The following NSD1 variants were observed in gnomAD, a reference collection of about 807,000 sequenced individuals.
The protein encoded by NSD1 is nuclear receptor binding SET domain protein 1, also known as histone-lysine N-methyltransferase, H3 lysine-36 specific.
NSD1 carries 26 observed loss-of-function variants against 242.7 expected under a neutral mutation model. That is an observed-to-expected ratio of 0.11 (90% CI 0.08 to 0.15). The LOEUF (loss-of-function observed/expected upper bound fraction) is 0.15, where lower values mean the gene tolerates loss of function less well. Among genes scored for constraint, NSD1 ranks in the 10% least tolerant of loss-of-function variants. The pLI, the probability that NSD1 is intolerant of heterozygous loss-of-function variation, is 1.00. For missense variants in NSD1, 2,495 were observed against 3,272.8 expected (o/e 0.76, Z 5.80); for synonymous variants, 1,106 against 1,178.1 (o/e 0.94, Z 1.25).
chr5:177,287,630 C>T (rs116582198), intron 20 of NSD1, among the ~76,000 whole-genome samples: 2,780 of 151,908 alleles, frequency 0.018, 32 homozygotes, highest in Non-Finnish European at 0.028. Flanking sequence ...AGTGAGACTC[C>T]GTCTCAAAGA....
At chr5:177,280,351 T>C (rs987296133) in intron 17 of NSD1, among the ~76,000 whole-genome samples, 1 of 152,184 alleles carries the variant, frequency 6.6e-6, no homozygotes, top group African/African-American at 2.4e-5. Context: ...CTTGTCTCAC[T>C]GCAACCTCCG....
chr5:177,241,495 ACTCT>A (rs973596654), intron 8 of NSD1, among the ~76,000 whole-genome samples: 2 of 149,270 alleles, frequency 1.3e-5, no homozygotes, highest in Non-Finnish European at 3.0e-5. Flanking sequence ...ACAGAGCGAG[ACTCT>A]CTCTCTCTCA....
At chr5:177,139,340 G>GGA (rs1756616137) in intron 2 of NSD1, among the ~76,000 whole-genome samples, 1 of 151,738 alleles carries the variant, frequency 6.6e-6, no homozygotes, top group East Asian at 2.0e-4. Flanking sequence ...GGCAGGCTCG[G>GGA]GAGGTTGAGG....
intron 5 of NSD1, among the ~76,000 whole-genome samples, chr5:177,226,069 C>T (rs1446520177): frequency 6.6e-6 from 1 of 152,100 alleles, no homozygotes; most frequent in East Asian, 1.9e-4. Flanking sequence ...GTTTTTGAGA[C>T]AGGGTCTCAC....
Position 177,171,043 on chromosome 5 carries a change from C to T in NSD1, c.928-20841C>T, listed in dbSNP as rs1041002822. 1.7e-4 allele frequency among the ~76,000 whole-genome samples: 25 copies of T among 150,042 alleles called. 1 individual carries two copies. Among genetic ancestry groups the T allele is most frequent in the Admixed American group, 8.0e-4 (12 of 15,032 alleles). On this transcript the variant is annotated intron_variant, in intron 2 of 22. Transcript: ENST00000439151. ...AAAAAAAAAAAAAAAGGAAACCGGG[C>T]GGGGCGTGGTGGCTCAGGCCTGTAA...
At chr5:177,292,493 G>T (rs1216629677) in intron 22 of NSD1, among the ~76,000 whole-genome samples, 1 of 152,174 alleles carries the variant, frequency 6.6e-6, no homozygotes, top group Non-Finnish European at 1.5e-5. Flanking sequence ...TTCACACATA[G>T]ATAGAGGAGC....
chr5:177,163,672 G>C (rs532075919), intron 2 of NSD1, among the ~76,000 whole-genome samples: 26 of 152,000 alleles, frequency 1.7e-4, no homozygotes, highest in Non-Finnish European at 3.1e-4. Flanking sequence ...TAATATATTC[G>C]GTGCCACATG....
At chr5:177,226,710 C>T (rs971321296) in intron 5 of NSD1, among the ~76,000 whole-genome samples, 12 of 152,136 alleles carry the variant, frequency 7.9e-5, no homozygotes, top group Non-Finnish European at 1.8e-4. Flanking sequence ...TTCCTACTAA[C>T]AGTACAGAAA....
At chr5:177,199,155 AT>A (rs1762322249) in intron 3 of NSD1, among the ~76,000 whole-genome samples, 1 of 152,266 alleles carries the variant, frequency 6.6e-6, no homozygotes, top group South Asian at 2.1e-4. Context: ...TCAGCAGTTA[AT>A]TTTAAAATAG....
rs1581571516 is a variant in NSD1 at position 177,296,934 on chromosome 5, C to T, written c.*1475C>T. Reference sequence around the variant, plus strand: ...GCCAGCAGGCCATCCCCGGCCCTAACGTCTCCTGGCCATTATCTCTTAGTT... The same window carrying T: ...GCCAGCAGGCCATCCCCGGCCCTAATGTCTCCTGGCCATTATCTCTTAGTT... On this transcript the variant is annotated 3_prime_UTR_variant, in exon 23 of 23. Transcript: ENST00000439151. 2 of 233,234 alleles carry T rather than the reference C, an allele frequency of 8.6e-6. No homozygotes were observed. The highest frequency in any genetic ancestry group is 5.6e-5 in the Admixed American group (1 of 17,788). The allele number at this position is 233,234 out of a possible 1,614,324, so 14.4% of individuals were successfully genotyped here. A position where few individuals can be genotyped will look rare whatever the true frequency, so the allele number is the denominator to read the frequency against.
At chr5:177,259,168 T>A (rs1034476881) in intron 13 of NSD1, among the ~76,000 whole-genome samples, 1 of 152,234 alleles carries the variant, frequency 6.6e-6, no homozygotes, top group Non-Finnish European at 1.5e-5. Flanking sequence ...GGTGAATTCA[T>A]GTGTGCCAAA....
At chr5:177,273,243 G>A (rs924611175) in intron 16 of NSD1, among the ~76,000 whole-genome samples, 29 of 145,190 alleles carry the variant, frequency 2.0e-4, no homozygotes, top group African/African-American at 6.6e-4. Context: ...GCTTCCCTGG[G>A]CCACACTGGA....
chr5:177,215,400 T>G (rs1235037755), intron 5 of NSD1, among the ~76,000 whole-genome samples: 1 of 152,084 alleles, frequency 6.6e-6, no homozygotes, highest in East Asian at 1.9e-4. Flanking sequence ...GGTGTCGAAC[T>G]CCTGACCTCA....
chr5:177,190,583 C>T (rs1034006480), intron 2 of NSD1, among the ~76,000 whole-genome samples: 1 of 152,164 alleles, frequency 6.6e-6, no homozygotes, highest in South Asian at 2.1e-4. Context: ...AGCCACTGTG[C>T]CTGGCCCCTT....
chr5:177,239,910 G>T, intron 8 of NSD1, 45 bp downstream of exon 8: 1 of 1,248,850 alleles, frequency 8.0e-7, no homozygotes, highest in Non-Finnish European at 1.2e-6. Flanking sequence ...CTCAGGAAAT[G>T]AGAAATTTTA....
chr5:177,238,172 T>G lies in NSD1; in HGVS notation c.3922-65T>G, dbSNP rs1581407484. 6.4e-7 allele frequency: 1 copy of G among 1,562,228 alleles called. No individual in the cohort carries two copies. Among genetic ancestry groups the G allele is most frequent in the East Asian group, 2.2e-5 (1 of 44,642 alleles). On this transcript the variant is annotated intron_variant, in intron 6 of 22. Coordinates refer to ENST00000439151, the MANE Select transcript of NSD1 (RefSeq NM_022455.5). The surrounding 1 kb of genome is among the most constrained non-coding windows in gnomAD (Gnocchi z 4.6). ...TTTCATTCCTTTTAAAGTGTGTTAT[T>G]CTTTTTGACACTTAAATTACAACAA...
At chr5:177,158,293 C>CTTTTCTTTCTTTTCTTTCTTTCT (rs59738936) in intron 2 of NSD1, among the ~76,000 whole-genome samples, 1 of 77,674 alleles carries the variant, frequency 1.3e-5, no homozygotes, top group African/African-American at 4.7e-5. Context: ...TTCTTTCTTT[C>CTTTTCTTTCTTTTCTTTCTTTCT]TTTCTTTCTT....
chr5:177,292,937 G>GT (rs1352757007), intron 22 of NSD1, among the ~76,000 whole-genome samples: 1 of 152,156 alleles, frequency 6.6e-6, no homozygotes, highest in African/African-American at 2.4e-5. Flanking sequence ...GTTGCAGAAC[G>GT]TTAAGAACTT....
At chr5:177,177,483 C>G (rs1760301523) in intron 2 of NSD1, among the ~76,000 whole-genome samples, 1 of 152,066 alleles carries the variant, frequency 6.6e-6, no homozygotes, top group Admixed American at 6.6e-5. Flanking sequence ...CCACTCCAGT[C>G]TGGGTGACAG....
Sources: allele counts gnomAD v4.1 joint callset (sites outside exome capture counted in the v4.1 genomes callset), GRCh38; gene constraint gnomAD v4.1.1; non-coding constraint Gnocchi (gnomAD v3.1); transcripts MANE v1.5; gene names NCBI Gene and HGNC (gene_info 2026-07-23, HGNC 2026-07-21).